The following DPT variants were observed in gnomAD, a reference collection of about 807,000 sequenced individuals.
The protein encoded by DPT is dermatopontin, also known as tyrosine-rich acidic matrix protein.
Under a neutral mutation model 31.2 loss-of-function variants are expected in DPT, and 21 were observed. The ratio of observed to expected loss-of-function variants is 0.67; its 90% CI spans 0.48 to 0.97. The LOEUF (loss-of-function observed/expected upper bound fraction) is 0.97. Ranked by LOEUF, DPT falls within the 50% of genes least tolerant of loss-of-function variation. The pLI, the probability that DPT is intolerant of heterozygous loss-of-function variation, is 0.00. For synonymous variants in DPT, 91 were observed against 86.9 expected, an observed-to-expected ratio of 1.05 and a Z score of -0.26; for missense variants, 262 against 258.8, an observed-to-expected ratio of 1.01 and a Z score of -0.08.
In DPT at chr1:168,711,972, A is replaced by G. The variant is rs1001097668; in HGVS notation, c.431+2249T>C. ...CTGGGCAGAAGTGGAGGGATGGGGG[A>G]GAGAACAAAAAATTTTATGTAAGAG... On this transcript the variant is annotated intron_variant, in intron 2 of 3. Transcript: ENST00000367817. Among the ~76,000 whole-genome samples, 5 of 152,108 alleles carry G rather than the reference A, an allele frequency of 3.3e-5. No individual in the cohort carries two copies. In the East Asian group the frequency reaches 7.7e-4, roughly 23 times the overall value.
intron 2 of DPT, among the ~76,000 whole-genome samples, chr1:168,703,527 G>C (rs1350076602): frequency 6.6e-6 from 1 of 152,240 alleles, no homozygotes; most frequent in African/African-American, 2.4e-5. Flanking sequence ...ATGAGGTACT[G>C]ATGTCCAGTG....
At chr1:168,700,904 TGTGG>T (rs777357331) in intron 3 of DPT, 109 bp downstream of exon 3, 17,633 of 179,634 alleles carry the variant, frequency 0.098, 665 homozygotes, top group African/African-American at 0.38. Flanking sequence ...TGTGTGTGTG[TGTGG>T]GTGTGTGTGT....
chr1:168,716,478 C>A (rs1292024818), intron 1 of DPT, among the ~76,000 whole-genome samples: 2 of 151,496 alleles, frequency 1.3e-5, no homozygotes, highest in Admixed American at 1.3e-4. Flanking sequence ...CTTTGATGAT[C>A]TAGCTTTTTT....
At chr1:168,724,983 C>T (rs1650206519) in intron 1 of DPT, among the ~76,000 whole-genome samples, 1 of 152,172 alleles carries the variant, frequency 6.6e-6, no homozygotes, top group Non-Finnish European at 1.5e-5. Flanking sequence ...ACCACTTTTC[C>T]TCTGAACTCA....
intron 1 of DPT, among the ~76,000 whole-genome samples, chr1:168,728,062 C>T (rs1650289639): frequency 6.6e-6 from 1 of 152,168 alleles, no homozygotes; most frequent in African/African-American, 2.4e-5. Flanking sequence ...GAGCTCCTGA[C>T]CAAGCACCTG....
At chr1:168,706,357 C>A (rs1186604542) in intron 2 of DPT, among the ~76,000 whole-genome samples, 1 of 152,180 alleles carries the variant, frequency 6.6e-6, no homozygotes, top group African/African-American at 2.4e-5. Flanking sequence ...TGTTCATGAT[C>A]AATCCTCTTG....
chr1:168,714,869 T>A (rs1377270524), intron 1 of DPT, among the ~76,000 whole-genome samples: 2 of 152,230 alleles, frequency 1.3e-5, no homozygotes, highest in Non-Finnish European at 2.9e-5. Flanking sequence ...AAAGCCCAGA[T>A]GGGCATGGTG....
At chr1:168,706,421 AGTTT>A (rs1252054050) in intron 2 of DPT, among the ~76,000 whole-genome samples, 3 of 152,224 alleles carry the variant, frequency 2.0e-5, no homozygotes, top group Non-Finnish European at 2.9e-5. Flanking sequence ...AGATTAATTT[AGTTT>A]GTCTTTATTA....
chr1:168,702,721 C>T (rs1297525045), intron 2 of DPT, among the ~76,000 whole-genome samples: 2 of 150,436 alleles, frequency 1.3e-5, no homozygotes, highest in African/African-American at 4.9e-5. Context: ...AAGTGATTCT[C>T]CTGCCTCAGT....
At chr1:168,709,623 T>A (rs933778688) in intron 2 of DPT, among the ~76,000 whole-genome samples, 5 of 152,172 alleles carry the variant, frequency 3.3e-5, no homozygotes, top group Non-Finnish European at 4.4e-5. Context: ...TATTTCTGAA[T>A]CCCTAAGTGC....
intron 1 of DPT, among the ~76,000 whole-genome samples, chr1:168,725,626 T>A (rs1447657740): frequency 6.6e-6 from 1 of 152,118 alleles, no homozygotes; most frequent in Non-Finnish European, 1.5e-5. Context: ...TCCTGGTAGT[T>A]GTTAGTGCCA....
intron 1 of DPT, among the ~76,000 whole-genome samples, chr1:168,723,526 G>T (rs1007520189): frequency 2.0e-5 from 3 of 152,156 alleles, no homozygotes; most frequent in African/African-American, 7.2e-5. Context: ...GTAGATCAGG[G>T]TTAGGGCCAT....
intron 2 of DPT, among the ~76,000 whole-genome samples, chr1:168,713,680 G>A (rs910141398): frequency 2.6e-5 from 4 of 152,208 alleles, no homozygotes; most frequent in African/African-American, 9.6e-5. Flanking sequence ...CAAAACATCA[G>A]AGGCTGGAAT....
chr1:168,708,846 C>T (rs1360875906), intron 2 of DPT, among the ~76,000 whole-genome samples: 1 of 152,124 alleles, frequency 6.6e-6, no homozygotes, highest in Admixed American at 6.5e-5. Context: ...GCAAACACTC[C>T]CTATCTTGTA....
chr1:168,703,140 C>T (rs1048433577), intron 2 of DPT, among the ~76,000 whole-genome samples: 3 of 152,166 alleles, frequency 2.0e-5, no homozygotes, highest in Non-Finnish European at 2.9e-5. Context: ...TTTGAAGCAT[C>T]TCTGGATACA....
chr1:168,696,473 A>C lies in DPT; in HGVS notation c.*76T>G, dbSNP rs1649467812. The C allele has an allele frequency of 2.2e-5, 29 of 1,294,814 alleles. No homozygotes were observed. Among genetic ancestry groups the C allele is most frequent in the Non-Finnish European group, 3.0e-5 (28 of 920,112 alleles). 80.2% of individuals were successfully genotyped at this position (1,294,814 alleles called of 1,614,324 possible). On this transcript the variant is annotated 3_prime_UTR_variant, in exon 4 of 4. Coordinates refer to ENST00000367817, the MANE Select transcript of DPT (RefSeq NM_001937.5). ...CAGCAGAAACTTCTATAGGAGATCCAACTGATGTTAACATATGTGGACACC... is the reference window on the plus strand; with the variant it reads ...CAGCAGAAACTTCTATAGGAGATCCCACTGATGTTAACATATGTGGACACC...
intron 1 of DPT, among the ~76,000 whole-genome samples, chr1:168,715,717 A>G (rs951268261): frequency 1.3e-5 from 2 of 152,232 alleles, no homozygotes; most frequent in African/African-American, 4.8e-5. Context: ...CACAGCATGC[A>G]AAGCCCAGAT....
At chr1:168,700,859 G>A (rs1205297739) in intron 3 of DPT, among the ~76,000 whole-genome samples, 158 bp downstream of exon 3, 1 of 151,568 alleles carries the variant, frequency 6.6e-6, no homozygotes, top group Non-Finnish European at 1.5e-5. Flanking sequence ...AGAAATATAT[G>A]TGCATGTAAG....
intron 2 of DPT, among the ~76,000 whole-genome samples, chr1:168,712,683 C>A (rs1301025314): frequency 2.0e-5 from 3 of 152,144 alleles, no homozygotes; most frequent in Non-Finnish European, 2.9e-5. Context: ...ACAGTTCTGG[C>A]ATCTGGATCA....
Sources: gnomAD v4.1 joint callset for allele counts (sites outside exome capture counted in the v4.1 genomes callset) on GRCh38, gnomAD v4.1.1 for gene constraint, MANE v1.5 for transcripts, NCBI Gene and HGNC (gene_info 2026-07-23, HGNC 2026-07-21) for gene names.